The following CUL3 variants were observed in gnomAD, a reference collection of about 807,000 sequenced individuals.
CUL3 encodes cullin-3.
CUL3 carries 19 observed loss-of-function variants against 89.1 expected under a neutral mutation model. That is an observed-to-expected ratio of 0.21 (90% CI 0.15 to 0.31). The LOEUF (loss-of-function observed/expected upper bound fraction) is 0.31, where lower values mean the gene tolerates loss of function less well. CUL3 is among the 10% of genes least tolerant of loss of function. CUL3 has a pLI of 1.00. For missense variants in CUL3, 469 were observed against 942.3 expected, an observed-to-expected ratio of 0.50 and a Z score of 6.58; for synonymous variants, 351 against 308.4, an observed-to-expected ratio of 1.14 and a Z score of -1.45.
intron 15 of CUL3, among the ~76,000 whole-genome samples, chr2:224,477,192 C>T (rs1412628466): frequency 6.6e-6 from 1 of 152,150 alleles, no homozygotes; most frequent in African/African-American, 2.4e-5. Flanking sequence ...GAATCACCTA[C>T]AGCTCGTGTT....
intron 1 of CUL3, among the ~76,000 whole-genome samples, chr2:224,566,081 T>A (rs1695034563): frequency 6.6e-6 from 1 of 152,124 alleles, no homozygotes; most frequent in South Asian, 2.1e-4. Context: ...ACCTTCCCCA[T>A]CTACAGGCTG....
intron 3 of CUL3, among the ~76,000 whole-genome samples, chr2:224,524,319 AG>A: frequency 6.6e-6 from 1 of 152,156 alleles, no homozygotes. Flanking sequence ...TAAGATGTCA[AG>A]GTTCTGAAGA....
chr2:224,479,056 G>A (rs904712853), intron 14 of CUL3: 6 of 152,226 alleles, frequency 3.9e-5, no homozygotes, highest in Middle Eastern at 6.8e-3. Flanking sequence ...TACAGAAGTC[G>A]TCTTCTCCTG....
At chr2:224,494,854 A>G (rs1411918180) in intron 13 of CUL3, among the ~76,000 whole-genome samples, 2 of 152,204 alleles carry the variant, frequency 1.3e-5, no homozygotes, top group African/African-American at 4.8e-5. Flanking sequence ...CTTAGGACTT[A>G]AAGCACAAAC....
At chr2:224,577,037 C>G (rs1695317896) in intron 1 of CUL3, among the ~76,000 whole-genome samples, 1 of 152,184 alleles carries the variant, frequency 6.6e-6, no homozygotes, top group African/African-American at 2.4e-5. Flanking sequence ...AATAAAATGA[C>G]AGGATCGCTA....
At chr2:224,566,207 C>A (rs775738915) in intron 1 of CUL3, among the ~76,000 whole-genome samples, 2 of 152,206 alleles carry the variant, frequency 1.3e-5, no homozygotes, top group Non-Finnish European at 2.9e-5. Flanking sequence ...AAAAGGCAAT[C>A]CCTTACTGAC....
At chr2:224,576,407 C>A (rs761192765) in intron 1 of CUL3, among the ~76,000 whole-genome samples, 3 of 152,138 alleles carry the variant, frequency 2.0e-5, no homozygotes, top group African/African-American at 7.2e-5. Flanking sequence ...AGGCTGACTA[C>A]CCTGCTACAT....
At chr2:224,475,964 C>A (rs1244407642) in intron 15 of CUL3, among the ~76,000 whole-genome samples, 1 of 152,148 alleles carries the variant, frequency 6.6e-6, no homozygotes, top group African/African-American at 2.4e-5. Context: ...GCCAAATACA[C>A]CCCACTACCT....
chr2:224,532,302 G>A (rs896885060), intron 3 of CUL3, among the ~76,000 whole-genome samples: 1 of 152,130 alleles, frequency 6.6e-6, no homozygotes, highest in Non-Finnish European at 1.5e-5. Context: ...CTATTTAAGG[G>A]GGGATGGTGG....
chr2:224,479,495 T>A (rs111684591), intron 14 of CUL3: 4 of 152,132 alleles, frequency 2.6e-5, no homozygotes. Flanking sequence ...AAATTAAATG[T>A]AATGTGGAAA....
intron 10 of CUL3, among the ~76,000 whole-genome samples, chr2:224,502,680 T>C (rs946711298): frequency 2.0e-5 from 3 of 152,214 alleles, no homozygotes; most frequent in Non-Finnish European, 2.9e-5. Flanking sequence ...CAATTTATAA[T>C]AGATTTGTAT....
At position 224,485,240 on chromosome 2, in the gene CUL3, A is replaced by G. The variant is rs887967743; in HGVS notation, c.1843-3162T>C. Reference sequence around the variant, plus strand: ...CTGTAGGAGTTTTTTTTCATATCCCAGTGGCAGCCGGAACCCCAGCGAGAG... The same window carrying G: ...CTGTAGGAGTTTTTTTTCATATCCCGGTGGCAGCCGGAACCCCAGCGAGAG... On this transcript the variant is annotated intron_variant, in intron 13 of 15. Transcript: ENST00000264414. This position sits in a 1 kb window ranked among gnomAD's most constrained non-coding sequence, Gnocchi z 4.1. 6.6e-6 allele frequency: 1 copy of G among 152,260 alleles called. No homozygotes were observed. The highest frequency in any genetic ancestry group is 2.4e-5 in the African/African-American group (1 of 41,388). 9.4% of individuals were successfully genotyped at this position (152,260 alleles called of 1,614,324 possible).
In CUL3 at chr2:224,471,197, A is replaced by G. The variant is rs565937250; in HGVS notation, c.*3048T>C. On this transcript the variant is annotated 3_prime_UTR_variant, in exon 16 of 16. Coordinates refer to ENST00000264414, the MANE Select transcript of CUL3 (RefSeq NM_003590.5). ...TATGCAACATATAGTAAAATACATG[A>G]CCTACAATTGATATGCAACAGCTTT... is the stretch of plus-strand genomic sequence containing the variant. The G allele has an allele frequency of 4.7e-6, 1 of 212,248 alleles. No homozygotes were observed. Among genetic ancestry groups the G allele is most frequent in the Admixed American group, 5.8e-5 (1 of 17,108 alleles). 13.1% of individuals were successfully genotyped at this position (212,248 alleles called of 1,614,324 possible).
At chr2:224,563,625 C>G (rs1301487758) in intron 1 of CUL3, among the ~76,000 whole-genome samples, 1 of 152,190 alleles carries the variant, frequency 6.6e-6, no homozygotes, top group Non-Finnish European at 1.5e-5. Context: ...CCAGAAATAT[C>G]AATTCATAAA....
intron 15 of CUL3, among the ~76,000 whole-genome samples, chr2:224,476,063 G>A (rs1691308515): frequency 6.6e-6 from 1 of 150,862 alleles, no homozygotes; most frequent in South Asian, 2.1e-4. Flanking sequence ...TCGCTCTGTC[G>A]CCCAGGGTGG....
rs191797350 is a variant in CUL3, at chr2:224,567,330, G to A, written c.67-9474C>T. 2.5e-3 allele frequency among the ~76,000 whole-genome samples: 382 copies of A among 152,238 alleles called. 3 individuals are homozygous for A. Among genetic ancestry groups the A allele is most frequent in the African/African-American group, 8.2e-3 (339 of 41,554 alleles). Reference sequence around the variant, plus strand: ...ACTCCCAGGTTCAAGGGATCCTTCCGTCTCAGCCTCCTGAGCAGCTGGGAC... The same window carrying A: ...ACTCCCAGGTTCAAGGGATCCTTCCATCTCAGCCTCCTGAGCAGCTGGGAC... On this transcript the variant is annotated intron_variant, in intron 1 of 15. Transcript: ENST00000264414.
At chr2:224,530,611 TA>T (rs1441738632) in intron 3 of CUL3, among the ~76,000 whole-genome samples, 1 of 152,246 alleles carries the variant, frequency 6.6e-6, no homozygotes, top group African/African-American at 2.4e-5. Flanking sequence ...ACCTTAATTT[TA>T]AAATGCACTT....
chr2:224,515,602 A>C (rs919229652), intron 3 of CUL3, among the ~76,000 whole-genome samples: 8 of 152,210 alleles, frequency 5.3e-5, no homozygotes, highest in African/African-American at 1.7e-4. Flanking sequence ...CTTGAACATG[A>C]ATCTACAGGT....
At chr2:224,576,252 A>T (rs1695294375) in intron 1 of CUL3, among the ~76,000 whole-genome samples, 1 of 152,168 alleles carries the variant, frequency 6.6e-6, no homozygotes, top group Admixed American at 6.5e-5. Flanking sequence ...GTGTGACAGG[A>T]AGGGATGAGA....
Sources: allele counts gnomAD v4.1 joint callset (sites outside exome capture counted in the v4.1 genomes callset), GRCh38; gene constraint gnomAD v4.1.1; non-coding constraint Gnocchi (gnomAD v3.1); transcripts MANE v1.5; gene names NCBI Gene and HGNC (gene_info 2026-07-23, HGNC 2026-07-21).